Variants in CA10 observed in about 807,000 individuals in gnomAD.
CA10 encodes carbonic anhydrase 10 (inactive).
A neutral mutation model predicts 44.2 loss-of-function variants in CA10; 14 were observed. That is an observed-to-expected ratio of 0.32 (90% CI 0.21 to 0.50). The LOEUF (loss-of-function observed/expected upper bound fraction) is 0.50. Ranked by LOEUF, CA10 falls within the 20% of genes least tolerant of loss-of-function variation. The pLI, the probability that CA10 is intolerant of heterozygous loss-of-function variation, is 0.99. For synonymous variants in CA10, 159 were observed against 141.6 expected, an observed-to-expected ratio of 1.12 and a Z score of -0.87; for missense variants, 350 against 409.7, an observed-to-expected ratio of 0.85 and a Z score of 1.26.
At chr17:52,142,505 G>A (rs935776995) in intron 1 of CA10, among the ~76,000 whole-genome samples, 2 of 151,824 alleles carry the variant, frequency 1.3e-5, no homozygotes, top group African/African-American at 4.8e-5. Flanking sequence ...TCACTGATGG[G>A]GTTATTTTTT....
chr17:51,786,182 ATTT>A (rs751618438), intron 3 of CA10, among the ~76,000 whole-genome samples: 6 of 149,662 alleles, frequency 4.0e-5, no homozygotes, highest in Non-Finnish European at 5.9e-5. Flanking sequence ...TACTTTACTG[ATTT>A]TTTAATGCGT....
chr17:52,012,682 A>C (rs1055343893), intron 2 of CA10, among the ~76,000 whole-genome samples: 1 of 152,084 alleles, frequency 6.6e-6, no homozygotes, highest in Admixed American at 6.6e-5. Flanking sequence ...CCCCACCTAC[A>C]TGGGTAATTT....
intron 2 of CA10, among the ~76,000 whole-genome samples, chr17:51,965,616 T>C (rs1984052403): frequency 6.6e-6 from 1 of 151,948 alleles, no homozygotes; most frequent in Admixed American, 6.6e-5. Flanking sequence ...ATCATACAAT[T>C]ATCTCAATAG....
chr17:52,140,083 G>A (rs923754334), intron 1 of CA10, among the ~76,000 whole-genome samples: 1 of 152,190 alleles, frequency 6.6e-6, no homozygotes, highest in Non-Finnish European at 1.5e-5. Flanking sequence ...GCCTGCACAA[G>A]GATTGGAGAG....
intron 1 of CA10, among the ~76,000 whole-genome samples, chr17:52,093,933 G>T (rs1468107253): frequency 3.6e-5 from 1 of 27,916 alleles, no homozygotes; most frequent in South Asian, 6.2e-4. Context: ...GAAAGCTGGG[G>T]CCTGAAAGCA....
At chr17:52,001,369 C>A (rs1567915343) in intron 2 of CA10, among the ~76,000 whole-genome samples, 1 of 151,814 alleles carries the variant, frequency 6.6e-6, no homozygotes, top group Non-Finnish European at 1.5e-5. Flanking sequence ...AGACAGAAAG[C>A]CTATATTGAT....
At chr17:51,872,814 G>A (rs1178555870) in intron 3 of CA10, among the ~76,000 whole-genome samples, 2 of 152,160 alleles carry the variant, frequency 1.3e-5, no homozygotes, top group Non-Finnish European at 2.9e-5. Context: ...TTATTTCCAG[G>A]GAGCTTATTG....
intron 3 of CA10, among the ~76,000 whole-genome samples, chr17:51,839,713 G>A (rs1978304050): frequency 6.6e-6 from 1 of 151,922 alleles, no homozygotes; most frequent in Admixed American, 6.6e-5. Flanking sequence ...GCCTATAATC[G>A]ACTAACTAAA....
At chr17:51,907,151 C>G (rs1361580402) in intron 3 of CA10, among the ~76,000 whole-genome samples, 2 of 152,130 alleles carry the variant, frequency 1.3e-5, no homozygotes, top group African/African-American at 4.8e-5. Flanking sequence ...TTTCTGTAAC[C>G]TGAATTCGCC....
At chr17:52,108,675 G>A (rs957351720) in intron 1 of CA10, among the ~76,000 whole-genome samples, 1 of 133,872 alleles carries the variant, frequency 7.5e-6, no homozygotes, top group Non-Finnish European at 1.5e-5. Flanking sequence ...ACTCCAGCCT[G>A]GGTGACAGGG....
intron 6 of CA10, among the ~76,000 whole-genome samples, chr17:51,645,668 C>T (rs2157826): frequency 0.69 from 105,592 of 152,134 alleles, 36,993 homozygotes; most frequent in South Asian, 0.8. Context: ...AACATCTTCA[C>T]TGCAATTAGT....
At chr17:52,102,310 T>A (rs996533046) in intron 1 of CA10, among the ~76,000 whole-genome samples, 2 of 152,198 alleles carry the variant, frequency 1.3e-5, no homozygotes, top group Non-Finnish European at 2.9e-5. Flanking sequence ...CTCTACCTTT[T>A]CTCATCTCCT....
At chr17:52,001,696 C>G (rs1464853524) in intron 2 of CA10, among the ~76,000 whole-genome samples, 1 of 151,816 alleles carries the variant, frequency 6.6e-6, no homozygotes, top group Non-Finnish European at 1.5e-5. Context: ...GGGTGCTGCA[C>G]TGTATAGAAA....
At chr17:52,129,108 A>G (rs1199130788) in intron 1 of CA10, among the ~76,000 whole-genome samples, 1 of 151,726 alleles carries the variant, frequency 6.6e-6, no homozygotes, top group Non-Finnish European at 1.5e-5. Context: ...TTTCTCCTCT[A>G]CCTCTCTGTA....
At chr17:51,760,396 CCA>C (rs1905187130) in intron 3 of CA10, among the ~76,000 whole-genome samples, 1 of 152,168 alleles carries the variant, frequency 6.6e-6, no homozygotes, top group Non-Finnish European at 1.5e-5. Context: ...CTGAAGACAG[CCA>C]CAGTGGTCAG....
intron 1 of CA10, among the ~76,000 whole-genome samples, chr17:52,126,290 G>T (rs1989117995): frequency 6.6e-6 from 1 of 152,124 alleles, no homozygotes; most frequent in Non-Finnish European, 1.5e-5. Flanking sequence ...GAATAGAAAT[G>T]CATTTTTGAA....
chr17:52,056,706 T>C (rs1987239298), intron 2 of CA10, among the ~76,000 whole-genome samples: 1 of 151,962 alleles, frequency 6.6e-6, no homozygotes, highest in Non-Finnish European at 1.5e-5. Context: ...AACCTGAGGT[T>C]AAAGCATCCT....
intron 4 of CA10, among the ~76,000 whole-genome samples, chr17:51,680,060 C>A (rs1362677074): frequency 1.3e-5 from 2 of 152,106 alleles, no homozygotes; most frequent in Non-Finnish European, 2.9e-5. Context: ...GACCATATGG[C>A]CCACGAAGCC....
intron 2 of CA10, among the ~76,000 whole-genome samples, chr17:52,040,898 G>A (rs559928997): frequency 2.2e-4 from 34 of 152,158 alleles, no homozygotes; most frequent in African/African-American, 7.7e-4. Context: ...AAAGCCAGGG[G>A]AGAAAACTGA....
Sources: gnomAD v4.1 joint callset for allele counts (sites outside exome capture counted in the v4.1 genomes callset) on GRCh38, gnomAD v4.1.1 for gene constraint, MANE v1.5 for transcripts, NCBI Gene and HGNC (gene_info 2026-07-23, HGNC 2026-07-21) for gene names.